The following BCL7A variants were observed in gnomAD, a reference collection of about 807,000 sequenced individuals.
BCL7A encodes B-cell CLL/lymphoma 7 protein family member A.
BCL7A carries 11 observed loss-of-function variants against 28.4 expected under a neutral mutation model. The observed-to-expected ratio is 0.39, with a 90% confidence interval of 0.24 to 0.64. BCL7A has a LOEUF of 0.64. Ranked by LOEUF, BCL7A falls within the 30% of genes least tolerant of loss-of-function variation. BCL7A has a pLI of 0.50. For missense variants in BCL7A, 222 were observed against 274.8 expected (o/e 0.81, Z 1.36); for synonymous variants, 123 against 103.3 (o/e 1.19, Z -1.15).
At chr12:122,054,460 T>C (rs536890068) in intron 4 of BCL7A, among the ~76,000 whole-genome samples, 28 of 152,284 alleles carry the variant, frequency 1.8e-4, no homozygotes, top group Non-Finnish European at 3.7e-4. Context: ...GAGAGAGGAA[T>C]TGACAGCCAT....
Position 122,021,957 on chromosome 12 carries a change from T to TGA in BCL7A, c.-133_-132dup, listed in dbSNP as rs1555222283. ...GTGTGTGTGTGTGTGTGTGTGTGTG[T>TGA]GAGTGTGTGCGTGTGAGAGTGCGAG... On this transcript the variant is annotated 5_prime_UTR_variant, in exon 1 of 6. Transcript: ENST00000261822. 25,791 of 577,272 alleles carry TGA rather than the reference T, an allele frequency of 0.045. 990 individuals are homozygous for TGA. Among genetic ancestry groups the TGA allele is most frequent in the East Asian group, 0.064 (1,923 of 29,880 alleles). The allele number at this position is 577,272 out of a possible 1,614,324, so 35.8% of individuals were successfully genotyped here. A position where few individuals can be genotyped will look rare whatever the true frequency, so the allele number is the denominator to read the frequency against.
intron 1 of BCL7A, among the ~76,000 whole-genome samples, chr12:122,025,651 A>G (rs1415687925): frequency 6.7e-6 from 1 of 149,898 alleles, no homozygotes; most frequent in Admixed American, 6.6e-5. Flanking sequence ...AGAAGAAGAA[A>G]AAAGAAAAAT....
intron 2 of BCL7A, among the ~76,000 whole-genome samples, chr12:122,031,248 T>G (rs869178066): frequency 2.6e-5 from 4 of 152,268 alleles, no homozygotes; most frequent in African/African-American, 9.6e-5. Context: ...AGGCTCGTCT[T>G]GAACTCCTGA....
chr12:122,032,572 C>G (rs894589755), intron 2 of BCL7A, among the ~76,000 whole-genome samples: 7 of 152,136 alleles, frequency 4.6e-5, no homozygotes, highest in Non-Finnish European at 8.8e-5. Flanking sequence ...TCGGGAAGGA[C>G]CGGGCAGCTC....
rs1951904023 is a variant in BCL7A, at chr12:122,059,654, C to T, written c.*491C>T. 1 of 233,640 alleles carries T rather than the reference C, an allele frequency of 4.3e-6. No homozygotes were observed. Among genetic ancestry groups the T allele is most frequent in the Middle Eastern group, 1.3e-3 (1 of 782 alleles). The allele number at this position is 233,640 out of a possible 1,614,324, so 14.5% of individuals were successfully genotyped here. ...TACATCCCCCTCTGCAAAGTGCCCTCTTGGTTTGGTTCGGGCGGCGGCTGC... is the reference window on the plus strand; with the variant it reads ...TACATCCCCCTCTGCAAAGTGCCCTTTTGGTTTGGTTCGGGCGGCGGCTGC... On this transcript the variant is annotated 3_prime_UTR_variant, in exon 6 of 6. Transcript: ENST00000261822. This position sits in a 1 kb window ranked among gnomAD's most constrained non-coding sequence, Gnocchi z 4.0.
intron 2 of BCL7A, among the ~76,000 whole-genome samples, chr12:122,035,035 C>T (rs1883821926): frequency 1.3e-5 from 2 of 152,140 alleles, no homozygotes; most frequent in Admixed American, 6.5e-5. Context: ...AGGGTGTTTC[C>T]ACACTGCTGC....
At chr12:122,054,255 T>C (rs1204933713) in intron 4 of BCL7A, among the ~76,000 whole-genome samples, 1 of 151,868 alleles carries the variant, frequency 6.6e-6, no homozygotes, top group East Asian at 1.9e-4. Context: ...GCCCGGCTAA[T>C]TTTTTGTATT....
chr12:122,035,901 CGTG>C (rs1167403823), intron 3 of BCL7A, among the ~76,000 whole-genome samples: 8 of 152,184 alleles, frequency 5.3e-5, no homozygotes, highest in Admixed American at 2.0e-4. Flanking sequence ...AGTGCGGTGG[CGTG>C]GTCTTGGCTC....
intron 4 of BCL7A, among the ~76,000 whole-genome samples, chr12:122,053,434 C>T (rs1379057771): frequency 6.6e-6 from 1 of 152,192 alleles, no homozygotes; most frequent in African/African-American, 2.4e-5. Flanking sequence ...CCCATCTTGC[C>T]TGCTTGCTTT....
intron 1 of BCL7A, among the ~76,000 whole-genome samples, chr12:122,030,134 T>A (rs956759698): frequency 6.6e-6 from 1 of 152,164 alleles, no homozygotes; most frequent in African/African-American, 2.4e-5. Flanking sequence ...TAACCTCCTT[T>A]CGGGCCGAGG....
chr12:122,022,828 T>A (rs543200641), intron 1 of BCL7A, among the ~76,000 whole-genome samples: 2 of 151,300 alleles, frequency 1.3e-5, no homozygotes, highest in East Asian at 4.0e-4. Flanking sequence ...CCAGGAAAGA[T>A]GGGGGCGAGC....
intron 3 of BCL7A, among the ~76,000 whole-genome samples, chr12:122,039,578 G>A (rs1212927705): frequency 6.8e-6 from 1 of 148,062 alleles, no homozygotes; most frequent in African/African-American, 2.5e-5. Flanking sequence ...TTTGGGCCAG[G>A]TGTGGTGGCT....
chr12:122,061,633 G>A lies in BCL7A; in HGVS notation c.*2470G>A. ...TTCAGCTTCGAGCCAGGGGGCGGGG[G>A]ATCCCGAGCAAAAGCCTTCCGTGGA... On this transcript the variant is annotated 3_prime_UTR_variant, in exon 6 of 6. Coordinates refer to ENST00000261822, the MANE Select transcript of BCL7A (RefSeq NM_001024808.3). 4.3e-6 allele frequency: 1 copy of A among 231,014 alleles called. No homozygotes were observed. The highest frequency in any genetic ancestry group is 8.6e-6 in the Non-Finnish European group (1 of 116,538). The allele number at this position is 231,014 out of a possible 1,614,324, so 14.3% of individuals were successfully genotyped here. A position where few individuals can be genotyped will look rare whatever the true frequency, so the allele number is the denominator to read the frequency against.
chr12:122,034,203 A>G (rs1055346636), intron 2 of BCL7A, among the ~76,000 whole-genome samples: 4 of 12,658 alleles, frequency 3.2e-4, no homozygotes, highest in African/African-American at 1.8e-3. Context: ...ATATATATAT[A>G]TATATATATA....
intron 3 of BCL7A, among the ~76,000 whole-genome samples, chr12:122,041,797 G>A (rs534806328): frequency 6.6e-6 from 1 of 152,260 alleles, no homozygotes. Context: ...GCTGGGTGTG[G>A]TGGCTTACTC....
intron 2 of BCL7A, among the ~76,000 whole-genome samples, chr12:122,034,300 G>C (rs1021700536): frequency 6.9e-6 from 1 of 145,230 alleles, no homozygotes; most frequent in African/African-American, 2.6e-5. Context: ...CCCCATGTTA[G>C]TCTGTGAAGA....
At chr12:122,038,428 C>T (rs191693035) in intron 3 of BCL7A, among the ~76,000 whole-genome samples, 2,649 of 53,962 alleles carry the variant, frequency 0.049, 27 homozygotes, top group African/African-American at 0.17. Flanking sequence ...CGAGACTCTG[C>T]CTCAAAAAAA....
chr12:122,024,340 T>C (rs369140978), intron 1 of BCL7A, among the ~76,000 whole-genome samples: 2 of 152,284 alleles, frequency 1.3e-5, no homozygotes, highest in African/African-American at 4.8e-5. Flanking sequence ...CCCCTCGGGT[T>C]ATTGAGGACG....
Position 122,044,036 on chromosome 12 carries a change from A to G in BCL7A, c.422A>G (p.Glu141Gly), listed in dbSNP as rs748394870. The G allele has an allele frequency of 3.3e-5, 54 of 1,613,224 alleles. No homozygotes were observed. The Admixed American group carries it at 7.0e-4, about 21-fold the overall frequency. Residue 141 changes from glutamate (E) to glycine (G), a missense_variant, in exon 4 of 6, where the codon GAG becomes GGG. This residue lies in a region of BCL7A where 155 missense variants were observed against 145.7 expected (regional missense o/e 1.06). Transcript: ENST00000261822. ...GATGAGGCCCAGGCTGATGGGAAGG[A>G]GCACCCAGGAGCTGAAGGTATGTGG... is the stretch of plus-strand genomic sequence containing the variant. ...KVDEAQADGK[E>G]HPGAEDASDE...
Sources: gnomAD v4.1 joint callset for allele counts (sites outside exome capture counted in the v4.1 genomes callset) on GRCh38, gnomAD v4.1.1 for gene constraint, gnomAD v4.1.1 regional missense constraint, Gnocchi (gnomAD v3.1) non-coding constraint, MANE v1.5 for transcripts, NCBI Gene and HGNC (gene_info 2026-07-23, HGNC 2026-07-21) for gene names.